Variants in PRKCH observed in about 807,000 individuals in gnomAD.
PRKCH encodes protein kinase C eta.
Under a neutral mutation model 82.5 loss-of-function variants are expected in PRKCH, and 28 were observed. The observed-to-expected ratio is 0.34, with a 90% CI of 0.25 to 0.47. The LOEUF is 0.47. Ranked by LOEUF, PRKCH falls within the 20% of genes least tolerant of loss-of-function variation. The probability of loss-of-function intolerance (pLI) is 1.00; values close to 1 mark genes in which losing one functional copy is unlikely to be tolerated. For missense variants in PRKCH, 705 were observed against 881.8 expected (o/e 0.80, Z 2.54); for synonymous variants, 322 against 327.4 (o/e 0.98, Z 0.18).
At chr14:61,457,362 C>G in intron 8 of PRKCH, 43 bp downstream of exon 8, 1 of 1,609,904 alleles carries the variant, frequency 6.2e-7, no homozygotes, top group Non-Finnish European at 8.5e-7. Context: ...TAAGTGTGCT[C>G]TGTGTATGGG....
intron 9 of PRKCH, among the ~76,000 whole-genome samples, chr14:61,467,442 C>G (rs926719668): frequency 6.6e-6 from 1 of 152,216 alleles, no homozygotes; most frequent in African/African-American, 2.4e-5. Flanking sequence ...CTTCCTGAGG[C>G]CTCACTGAGC....
chr14:61,298,327 T>C (rs973779269), intron 1 of PRKCH: 1 of 152,186 alleles, frequency 6.6e-6, no homozygotes, highest in African/African-American at 2.4e-5. Context: ...AAAATAGTGC[T>C]CACTATGCCC....
intron 10 of PRKCH, among the ~76,000 whole-genome samples, chr14:61,509,441 C>G (rs540534432): frequency 6.6e-6 from 1 of 152,104 alleles, no homozygotes; most frequent in Non-Finnish European, 1.5e-5. Context: ...CTGTTTACCT[C>G]TGAAGATCAA....
intron 1 of PRKCH, among the ~76,000 whole-genome samples, chr14:61,333,895 T>C (rs996347592): frequency 1.3e-5 from 2 of 152,120 alleles, no homozygotes; most frequent in African/African-American, 4.8e-5. Flanking sequence ...AATGATGAGA[T>C]TGGTGAGGCC....
In PRKCH at chr14:61,416,053, C is replaced by CTTTTTTTTTTTTTTTTTT. The variant is rs71117815; in HGVS notation, c.427+24769_427+24786dup. Among the ~76,000 whole-genome samples, 33 of 94,182 alleles carry CTTTTTTTTTTTTTTTTTT rather than the reference C, an allele frequency of 3.5e-4. 1 individual carries two copies. The highest frequency in any genetic ancestry group is 4.3e-4 in the Admixed American group (3 of 6,994). The allele number at this position is 94,182 out of a possible 152,430, so 61.8% of individuals were successfully genotyped here. On this transcript the variant is annotated intron_variant, in intron 2 of 13. Transcript: ENST00000332981. The stretch of plus-strand genomic sequence containing the variant: ...CCTCTTTTTTCTTTTCTTTTCTTTT[C>CTTTTTTTTTTTTTTTTTT]TTTTTTTTTTTTTTTTTTTTTGAGA...
At chr14:61,479,053 C>A (rs1259700861) in intron 9 of PRKCH, among the ~76,000 whole-genome samples, 1 of 152,146 alleles carries the variant, frequency 6.6e-6, no homozygotes, top group African/African-American at 2.4e-5. Flanking sequence ...GATCTGAAAC[C>A]AGAAAGACAT....
chr14:61,196,142 C>A (rs915241669), intron 1 of PRKCH, among the ~76,000 whole-genome samples: 1 of 152,104 alleles, frequency 6.6e-6, no homozygotes, highest in Non-Finnish European at 1.5e-5. Flanking sequence ...AAAAAAGATG[C>A]TAAAGCATAA....
intron 2 of PRKCH, among the ~76,000 whole-genome samples, chr14:61,398,605 A>C (rs921466545): frequency 6.6e-6 from 1 of 152,222 alleles, no homozygotes; most frequent in Non-Finnish European, 1.5e-5. Context: ...CCCACACAAC[A>C]TCGTGATCTT....
intron 2 of PRKCH, among the ~76,000 whole-genome samples, chr14:61,416,614 A>G (rs1359420302): frequency 6.6e-6 from 1 of 151,842 alleles, no homozygotes; most frequent in Non-Finnish European, 1.5e-5. Flanking sequence ...CTGAGATACA[A>G]CACCCCCTAA....
At chr14:61,457,943 A>G (rs1884855158) in intron 9 of PRKCH, among the ~76,000 whole-genome samples, 1 of 152,250 alleles carries the variant, frequency 6.6e-6, no homozygotes. Flanking sequence ...GTCATCATAC[A>G]TAAATCTTCT....
intron 9 of PRKCH, among the ~76,000 whole-genome samples, chr14:61,481,444 C>T (rs1871843175): frequency 6.6e-6 from 1 of 152,152 alleles, no homozygotes; most frequent in Non-Finnish European, 1.5e-5. Context: ...TAATAATGGG[C>T]AACAAGGATG....
At chr14:61,541,735 A>T (rs541605203) in intron 12 of PRKCH, among the ~76,000 whole-genome samples, 3 of 152,330 alleles carry the variant, frequency 2.0e-5, no homozygotes, top group African/African-American at 7.2e-5. Context: ...GGAAAAAAAT[A>T]CTTGTGGCCA....
chr14:61,339,685 C>T (rs1303960021), intron 1 of PRKCH, among the ~76,000 whole-genome samples: 2 of 129,032 alleles, frequency 1.6e-5, no homozygotes, highest in South Asian at 2.9e-4. Flanking sequence ...GAGATTGCAC[C>T]ACTGTACTGC....
chr14:61,221,890 A>G (rs2044658678), intron 1 of PRKCH, among the ~76,000 whole-genome samples: 1 of 152,140 alleles, frequency 6.6e-6, no homozygotes, highest in African/African-American at 2.4e-5. Context: ...ATATTTCCCT[A>G]AGTGACTTTT....
At chr14:61,354,012 C>T (rs2046115505) in intron 1 of PRKCH, 1 of 152,134 alleles carries the variant, frequency 6.6e-6, no homozygotes, top group Non-Finnish European at 1.5e-5. Context: ...TGGGAGATCA[C>T]TTTATAAAGA....
intron 1 of PRKCH, among the ~76,000 whole-genome samples, chr14:61,227,468 C>A (rs1013426283): frequency 1.3e-5 from 2 of 152,140 alleles, no homozygotes; most frequent in Non-Finnish European, 2.9e-5. Flanking sequence ...GTGGCGAGCG[C>A]CCGTAGTCCC....
chr14:61,549,111 A>G (rs1216615245), intron 13 of PRKCH, among the ~76,000 whole-genome samples: 1 of 152,214 alleles, frequency 6.6e-6, no homozygotes, highest in African/African-American at 2.4e-5. Flanking sequence ...TAGGGAGAGC[A>G]TGGCCTTCAG....
Position 61,376,472 on chromosome 14 carries a change from A to C in PRKCH, c.364-14753A>C, listed in dbSNP as rs77041007. On this transcript the variant is annotated intron_variant, in intron 1 of 13. Transcript: ENST00000332981. The stretch of plus-strand genomic sequence containing the variant: ...CTCCCTACAAATCAGTATTTTTAAA[A>C]ACCAGAGTCATCCCAAACCAACTGA... 4.0e-3 allele frequency among the ~76,000 whole-genome samples: 609 copies of C among 152,258 alleles called. 9 individuals carry two copies. The highest frequency in any genetic ancestry group is 0.014 in the African/African-American group (576 of 41,542).
intron 10 of PRKCH, among the ~76,000 whole-genome samples, chr14:61,511,977 A>G (rs1459818635): frequency 6.6e-6 from 1 of 152,178 alleles, no homozygotes; most frequent in Non-Finnish European, 1.5e-5. Flanking sequence ...TCAGACAGGT[A>G]AAATGTTCTA....
Sources: allele counts gnomAD v4.1 joint callset (sites outside exome capture counted in the v4.1 genomes callset), GRCh38; gene constraint gnomAD v4.1.1; transcripts MANE v1.5; gene names NCBI Gene and HGNC (gene_info 2026-07-23, HGNC 2026-07-21).